The following STOX1 variants were observed in gnomAD, a reference collection of about 807,000 sequenced individuals.
STOX1 encodes the protein storkhead-box protein 1.
Under a neutral mutation model 74.8 loss-of-function variants are expected in STOX1, and 57 were observed. That is an observed-to-expected ratio of 0.76 (90% CI 0.62 to 0.95). The LOEUF (loss-of-function observed/expected upper bound fraction) is 0.95, where lower values mean the gene tolerates loss of function less well. STOX1 is among the 40% of genes least tolerant of loss of function. STOX1 has a pLI of 0.00. For synonymous variants in STOX1, 375 were observed against 401.3 expected, an observed-to-expected ratio of 0.93 and a Z score of 0.78; for missense variants, 1,010 against 1,117.0, an observed-to-expected ratio of 0.90 and a Z score of 1.37.
rs773150118 is a variant in STOX1, at chr10:68,884,297, T to C, written c.501T>C (p.Thr167=). ...CATCGGAAGATATTCTTTATACCAC[T>C]CTGGGAACGCTGATTAAAGAAAGGA... ...AIPSEDILYT[T]LGTLIKERKI... The change falls in exon 3 of 4, where the codon ACT becomes ACC. Residue 167 remains threonine, a synonymous_variant. Coordinates refer to ENST00000298596, the MANE Select transcript of STOX1 (RefSeq NM_152709.5). 3 of 1,614,174 alleles carry C rather than the reference T, an allele frequency of 1.9e-6. No homozygotes were observed. Among genetic ancestry groups the C allele is most frequent in the African/African-American group, 1.3e-5 (1 of 75,058 alleles).
At chr10:68,842,914 C>T (rs939500470) in intron 1 of STOX1, among the ~76,000 whole-genome samples, 2 of 152,202 alleles carry the variant, frequency 1.3e-5, no homozygotes, top group Admixed American at 6.5e-5. Flanking sequence ...ACCAAACGAG[C>T]CTTTGACTCC....
At chr10:68,832,283 A>C (rs1337488490) in intron 1 of STOX1, among the ~76,000 whole-genome samples, 1 of 152,200 alleles carries the variant, frequency 6.6e-6, no homozygotes, top group Non-Finnish European at 1.5e-5. Flanking sequence ...GTGGGCGGCC[A>C]CTTGGCCAAA....
chr10:68,884,478 G>T lies in STOX1; in HGVS notation c.682G>T (p.Ala228Ser). The T allele has an allele frequency of 6.2e-7, 1 of 1,613,810 alleles. No homozygotes were observed. The highest frequency in any genetic ancestry group is 8.5e-7 in the Non-Finnish European group (1 of 1,179,996). Residue 228 changes from alanine to serine, a missense_variant, in exon 3 of 4, where the codon GCA becomes TCA. By Grantham distance (99) the Ala-to-Ser change is moderately conservative. Coordinates refer to ENST00000298596, the MANE Select transcript of STOX1 (RefSeq NM_152709.5). ...ATATCTGGTGAGCATGGAGAGCTGT[G>T]CAGAGTCAGCCCAAGAGAATGCTGC... ...MTYLVSMESC[A>S]ESAQENAAPI...
rs142177563 is a variant in STOX1, at chr10:68,887,680, G to A, written c.2822+1062G>A. Reference sequence around the variant, plus strand: ...GCAATCTCTGCTCACTGCAACCTCCGCCTCCCGGGTTCAAGCAATTCTCCC... The same window carrying A: ...GCAATCTCTGCTCACTGCAACCTCCACCTCCCGGGTTCAAGCAATTCTCCC... On this transcript the variant is annotated intron_variant, in intron 3 of 3. Coordinates refer to ENST00000298596, the MANE Select transcript of STOX1 (RefSeq NM_152709.5). Among the ~76,000 whole-genome samples, 309 of 146,960 alleles carry A rather than the reference G, an allele frequency of 2.1e-3. 3 individuals carry two copies. Among genetic ancestry groups the A allele is most frequent in the Non-Finnish European group, 2.4e-4 (16 of 67,348 alleles).
rs139507139 is a variant in STOX1 at position 68,841,129 on chromosome 10, T to C, written c.310+13196T>C. The stretch of plus-strand genomic sequence containing the variant: ...GTCTGGCTCATTTTTGTATTTTTAG[T>C]AGAGACGCGGTTTCACCATGTTGGT... On this transcript the variant is annotated intron_variant, in intron 1 of 3. Transcript: ENST00000298596. Among the ~76,000 whole-genome samples, 144 of 151,994 alleles carry C rather than the reference T, an allele frequency of 9.5e-4. 1 individual carries two copies. In the East Asian group the frequency reaches 0.026, roughly 27 times the overall value.
At chr10:68,840,717 C>A (rs1165025921) in intron 1 of STOX1, among the ~76,000 whole-genome samples, 2 of 151,384 alleles carry the variant, frequency 1.3e-5, no homozygotes, top group Non-Finnish European at 2.9e-5. Context: ...TGAGCCACCA[C>A]GCCTGGCTAA....
rs554727645 is a variant in STOX1 at position 68,856,495 on chromosome 10, C to T, written c.311-25463C>T. Among the ~76,000 whole-genome samples, 9 of 152,148 alleles carry T rather than the reference C, an allele frequency of 5.9e-5. No individual in the cohort carries two copies. In the East Asian group the frequency reaches 1.2e-3, roughly 20 times the overall value. ...TCAGCATCCGTCTCCCACGTGGGCACGAGGGTGCTAGTACCTGACACAACT... is the reference window on the plus strand; with the variant it reads ...TCAGCATCCGTCTCCCACGTGGGCATGAGGGTGCTAGTACCTGACACAACT... On this transcript the variant is annotated intron_variant, in intron 1 of 3. Transcript: ENST00000298596.
intron 3 of STOX1, among the ~76,000 whole-genome samples, chr10:68,887,274 C>T (rs1840986531): frequency 6.6e-6 from 1 of 152,132 alleles, no homozygotes; most frequent in Non-Finnish European, 1.5e-5. Flanking sequence ...AGGGATGTGG[C>T]TACTATCCAC....
chr10:68,856,937 C>T (rs1840139551), intron 1 of STOX1, among the ~76,000 whole-genome samples: 1 of 152,116 alleles, frequency 6.6e-6, no homozygotes, highest in Non-Finnish European at 1.5e-5. Context: ...TTCAGTAGGT[C>T]TGTGCTGGTT....
At chr10:68,883,328 T>C (rs1035433117) in intron 2 of STOX1, among the ~76,000 whole-genome samples, 8 of 130,466 alleles carry the variant, frequency 6.1e-5, no homozygotes, top group African/African-American at 1.8e-4. Context: ...AATGGGTTTT[T>C]ATTTGAGTGA....
At chr10:68,873,586 A>T (rs1414456793) in intron 1 of STOX1, among the ~76,000 whole-genome samples, 22 of 82,218 alleles carry the variant, frequency 2.7e-4, no homozygotes, top group South Asian at 8.1e-4. Context: ...TTTAATCCTG[A>T]GTTTTAGAAA....
In STOX1 at chr10:68,885,205, T is replaced by C. The variant is rs772651440; in HGVS notation, c.1409T>C (p.Met470Thr). Residue 470 changes from methionine (M) to threonine (T), a missense_variant, in exon 3 of 4, where the codon ATG (methionine) becomes ACG (threonine). Met to Thr is a moderately conservative substitution (Grantham distance 81). Transcript: ENST00000298596. ...PIPRIKSPNE[M>T]VGQKPLGEIT... ...CCCAGAATTAAAAGCCCAAATGAAA[T>C]GGTAGGTCAGAAACCACTTGGTGAG... The C allele has an allele frequency of 1.9e-6, 3 of 1,613,960 alleles. No homozygotes were observed. The highest frequency in any genetic ancestry group is 2.5e-6 in the Non-Finnish European group (3 of 1,180,020).
At chr10:68,846,795 G>T (rs1260866783) in intron 1 of STOX1, 1 of 152,100 alleles carries the variant, frequency 6.6e-6, no homozygotes, top group Admixed American at 6.6e-5. Context: ...TTTTTATTAG[G>T]ATTGTGTTAG....
At chr10:68,835,130 C>G (rs1839511901) in intron 1 of STOX1, among the ~76,000 whole-genome samples, 1 of 152,280 alleles carries the variant, frequency 6.6e-6, no homozygotes, top group African/African-American at 2.4e-5. Context: ...TAGCCTCCAC[C>G]TCCTGGGTTT....
chr10:68,871,499 T>G (rs1840535450), intron 1 of STOX1, among the ~76,000 whole-genome samples: 1 of 152,246 alleles, frequency 6.6e-6, no homozygotes, highest in Non-Finnish European at 1.5e-5. Context: ...AAGGGAAGCC[T>G]TTAGCTTTCC....
Position 68,892,847 on chromosome 10 carries a change from C to A in STOX1, c.*111C>A. The A allele has an allele frequency of 8.3e-7, 1 of 1,204,670 alleles. No individual in the cohort carries two copies. Among genetic ancestry groups the A allele is most frequent in the Non-Finnish European group, 1.2e-6 (1 of 844,740 alleles). The allele number at this position is 1,204,670 out of a possible 1,614,324, so 74.6% of individuals were successfully genotyped here. ...AAGAATTGTCTAAAGGCAAGCATAT[C>A]TATACTATTAACCACATTACACATT... On this transcript the variant is annotated 3_prime_UTR_variant, in exon 4 of 4. Transcript: ENST00000298596.
intron 1 of STOX1, among the ~76,000 whole-genome samples, chr10:68,852,160 T>C (rs1840001841): frequency 6.6e-6 from 1 of 151,640 alleles, no homozygotes; most frequent in Non-Finnish European, 1.5e-5. Context: ...GTTATCTCAC[T>C]GTCTTCTGAC....
intron 1 of STOX1, among the ~76,000 whole-genome samples, chr10:68,833,083 T>G (rs1047528389): frequency 1.5e-5 from 2 of 136,968 alleles, no homozygotes; most frequent in Admixed American, 1.4e-4. Flanking sequence ...TCTGTGGGTT[T>G]TTTTTTTTTT....
At chr10:68,828,975 C>G (rs1589211640) in intron 1 of STOX1, 1 of 985,426 alleles carries the variant, frequency 1.0e-6, no homozygotes, top group East Asian at 1.1e-4. Flanking sequence ...GTCTCTGACT[C>G]TGGGCACTAA....
Sources: allele counts gnomAD v4.1 joint callset (sites outside exome capture counted in the v4.1 genomes callset), GRCh38; gene constraint gnomAD v4.1.1; transcripts MANE v1.5; gene names NCBI Gene and HGNC (gene_info 2026-07-23, HGNC 2026-07-21).